COL25A1: variants seen among roughly 807,000 people sequenced by gnomAD.
COL25A1 encodes the protein collagen type XXV alpha 1 chain, also known as collagen alpha-1(XXV) chain.
COL25A1 carries 103 observed loss-of-function variants against 128.4 expected under a neutral mutation model. That is an observed-to-expected ratio of 0.80 (90% CI 0.68 to 0.94). The LOEUF (loss-of-function observed/expected upper bound fraction) is 0.94. Among genes scored for constraint, COL25A1 ranks in the 40% least tolerant of loss-of-function variants. COL25A1 has a pLI of 0.00. For missense variants in COL25A1, 745 were observed against 840.0 expected (o/e 0.89, Z 1.40); for synonymous variants, 279 against 277.2 (o/e 1.01, Z -0.06).
chr4:109,261,164 T>C (rs1364800552), intron 3 of COL25A1, among the ~76,000 whole-genome samples: 1 of 152,204 alleles, frequency 6.6e-6, no homozygotes, highest in African/African-American at 2.4e-5. Context: ...TTCCTTACAT[T>C]ACACAGTTTA....
At chr4:109,283,713 G>C (rs1275237081) in intron 3 of COL25A1, among the ~76,000 whole-genome samples, 2 of 152,182 alleles carry the variant, frequency 1.3e-5, no homozygotes, top group African/African-American at 2.4e-5. Context: ...GTCCAACCCA[G>C]AGTATCTTCA....
intron 3 of COL25A1, among the ~76,000 whole-genome samples, chr4:109,114,661 TCAA>T (rs562515109): frequency 2.0e-5 from 3 of 152,160 alleles, no homozygotes; most frequent in Non-Finnish European, 4.4e-5. Flanking sequence ...ACCAAGAATA[TCAA>T]CGTGACATAC....
At chr4:109,058,977 T>C (rs988721945) in intron 3 of COL25A1, among the ~76,000 whole-genome samples, 1 of 152,148 alleles carries the variant, frequency 6.6e-6, no homozygotes, top group African/African-American at 2.4e-5. Flanking sequence ...AACGCAGAAG[T>C]CTGGACCCAG....
intron 13 of COL25A1, among the ~76,000 whole-genome samples, chr4:108,906,968 C>G (rs11935953): frequency 6.6e-6 from 1 of 151,980 alleles, no homozygotes; most frequent in Non-Finnish European, 1.5e-5. Context: ...CAACTGGGAG[C>G]TTGGAAAATA....
chr4:108,835,577 G>A (rs1733679394), intron 31 of COL25A1, among the ~76,000 whole-genome samples: 3 of 149,356 alleles, frequency 2.0e-5, no homozygotes, highest in Admixed American at 2.0e-4. Flanking sequence ...TTTTTGAGAT[G>A]GAGTTTCACC....
intron 3 of COL25A1, among the ~76,000 whole-genome samples, chr4:109,248,615 A>G (rs1477274804): frequency 6.6e-6 from 1 of 152,168 alleles, no homozygotes; most frequent in East Asian, 1.9e-4. Flanking sequence ...CACCCATGCC[A>G]TGCAGTAAAG....
intron 6 of COL25A1, among the ~76,000 whole-genome samples, chr4:108,990,492 A>T (rs1204543572): frequency 6.6e-6 from 1 of 151,876 alleles, no homozygotes; most frequent in Admixed American, 6.6e-5. Flanking sequence ...GTCTTATGCT[A>T]TAACCATATC....
chr4:109,121,808 C>T (rs1310427336), intron 3 of COL25A1, among the ~76,000 whole-genome samples: 1 of 152,018 alleles, frequency 6.6e-6, no homozygotes, highest in Non-Finnish European at 1.5e-5. Flanking sequence ...TATATCCACA[C>T]AAAAATCTTC....
chr4:109,202,117 C>T (rs1213366385), intron 3 of COL25A1, among the ~76,000 whole-genome samples: 1 of 152,084 alleles, frequency 6.6e-6, no homozygotes, highest in Non-Finnish European at 1.5e-5. Context: ...TACTGACAAA[C>T]TAAATCTGAA....
chr4:109,188,559 G>GT (rs1399500770), intron 3 of COL25A1, among the ~76,000 whole-genome samples: 6 of 152,162 alleles, frequency 3.9e-5, no homozygotes, highest in African/African-American at 1.4e-4. Flanking sequence ...AGAGATACAT[G>GT]TGTCAAACTT....
chr4:109,198,492 C>T lies in COL25A1; in HGVS notation c.367+102091G>A, dbSNP rs74356303. On this transcript the variant is annotated intron_variant, in intron 3 of 37. Coordinates refer to ENST00000399132, the MANE Select transcript of COL25A1 (RefSeq NM_198721.4). ...CTGTAGAGAAAGACTCCTTTTACTCCCTTAAATTTACTGATAACCAGGTAA... is the reference window on the plus strand; with the variant it reads ...CTGTAGAGAAAGACTCCTTTTACTCTCTTAAATTTACTGATAACCAGGTAA... Among the ~76,000 whole-genome samples, 1,632 of 152,190 alleles carry T rather than the reference C, an allele frequency of 0.011. 59 individuals are homozygous for T. In the South Asian group the frequency reaches 0.14, roughly 13 times the overall value.
intron 3 of COL25A1, among the ~76,000 whole-genome samples, chr4:109,088,686 T>C (rs936807338): frequency 1.3e-5 from 2 of 152,144 alleles, no homozygotes; most frequent in Non-Finnish European, 2.9e-5. Context: ...GAATTTATAG[T>C]AGTAAGTGAG....
chr4:109,175,115 C>A (rs1773968220), intron 3 of COL25A1, among the ~76,000 whole-genome samples: 1 of 152,138 alleles, frequency 6.6e-6, no homozygotes, highest in Non-Finnish European at 1.5e-5. Flanking sequence ...ATGAAACTGG[C>A]CCCTGGTGCC....
intron 12 of COL25A1, 78 bp from the exon 13 acceptor site, chr4:108,918,294 T>C (rs977565679): frequency 2.9e-6 from 3 of 1,043,122 alleles, no homozygotes; most frequent in East Asian, 2.5e-5. Context: ...GTATTAGTTA[T>C]GTAAGCCTTG....
chr4:109,061,196 T>G (rs942561081), intron 3 of COL25A1, among the ~76,000 whole-genome samples: 1 of 152,184 alleles, frequency 6.6e-6, no homozygotes, highest in Non-Finnish European at 1.5e-5. Flanking sequence ...TTAAATCTAA[T>G]TTCTAGAAGA....
chr4:109,203,203 G>A (rs1017005690), intron 3 of COL25A1, among the ~76,000 whole-genome samples: 1 of 152,012 alleles, frequency 6.6e-6, no homozygotes, highest in Non-Finnish European at 1.5e-5. Flanking sequence ...GCATATGAGG[G>A]ATAATCAGGA....
At chr4:108,868,097 C>A (rs1440144898) in intron 20 of COL25A1, among the ~76,000 whole-genome samples, 1 of 152,028 alleles carries the variant, frequency 6.6e-6, no homozygotes, top group Non-Finnish European at 1.5e-5. Context: ...TAGTAATAAC[C>A]TTTGATTTAC....
intron 3 of COL25A1, among the ~76,000 whole-genome samples, chr4:109,296,945 C>T (rs1423927984): frequency 6.6e-6 from 1 of 151,936 alleles, no homozygotes; most frequent in Admixed American, 6.6e-5. Context: ...AGAACAGAAC[C>T]CAAAACTAAA....
At chr4:108,979,882 G>A (rs1752793940) in intron 6 of COL25A1, among the ~76,000 whole-genome samples, 1 of 152,132 alleles carries the variant, frequency 6.6e-6, no homozygotes, top group Non-Finnish European at 1.5e-5. Flanking sequence ...AGGTGGGAGA[G>A]CTGGAGTTGA....
Sources: allele counts gnomAD v4.1 joint callset (sites outside exome capture counted in the v4.1 genomes callset), GRCh38; gene constraint gnomAD v4.1.1; transcripts MANE v1.5; gene names NCBI Gene and HGNC (gene_info 2026-07-23, HGNC 2026-07-21).